Variants in MAGI2 observed in about 807,000 individuals in gnomAD.
The protein encoded by MAGI2 is membrane associated guanylate kinase, WW and PDZ domain containing 2.
Under a neutral mutation model 133.3 loss-of-function variants are expected in MAGI2, and 35 were observed. That is an observed-to-expected ratio of 0.26 (90% CI 0.20 to 0.35). The LOEUF is 0.35. Ranked by LOEUF, MAGI2 falls within the 10% of genes least tolerant of loss-of-function variation. MAGI2 has a pLI of 1.00. For missense variants in MAGI2, 1,636 were observed against 1,863.4 expected (o/e 0.88, Z 2.25); for synonymous variants, 729 against 710.6 (o/e 1.03, Z -0.41).
chr7:78,147,113 C>G (rs181968333), intron 16 of MAGI2, among the ~76,000 whole-genome samples: 241 of 152,298 alleles, frequency 1.6e-3, no homozygotes, highest in African/African-American at 5.4e-3. Flanking sequence ...GTTACACATA[C>G]AAGCCAAAGT....
chr7:78,758,264 G>GC (rs1554557374), intron 2 of MAGI2, among the ~76,000 whole-genome samples: 9 of 150,926 alleles, frequency 6.0e-5, no homozygotes, highest in African/African-American at 1.9e-4. Flanking sequence ...ACAAGACAGG[G>GC]TTTTTTTTTC....
At chr7:78,205,534 T>C (rs1341455380) in intron 10 of MAGI2, among the ~76,000 whole-genome samples, 2 of 152,200 alleles carry the variant, frequency 1.3e-5, no homozygotes, top group African/African-American at 4.8e-5. Flanking sequence ...TTTTTTTGGA[T>C]GTAAGTATGT....
chr7:78,955,824 C>T (rs921112232), intron 2 of MAGI2, among the ~76,000 whole-genome samples: 1 of 147,872 alleles, frequency 6.8e-6, no homozygotes, highest in African/African-American at 2.5e-5. Flanking sequence ...CTTCCTTCCT[C>T]AGTAATAATT....
intron 9 of MAGI2, among the ~76,000 whole-genome samples, chr7:78,272,677 C>T (rs1794699621): frequency 6.6e-6 from 1 of 152,142 alleles, no homozygotes; most frequent in Non-Finnish European, 1.5e-5. Context: ...TTGGATTGAT[C>T]CCTTTATCAT....
chr7:78,050,606 A>T (rs1289073847), intron 21 of MAGI2, among the ~76,000 whole-genome samples: 4 of 152,230 alleles, frequency 2.6e-5, no homozygotes, highest in Non-Finnish European at 5.9e-5. Context: ...AGGGGAATTG[A>T]AACGTTTGTT....
At chr7:78,786,961 TTTG>T (rs1256141185) in intron 2 of MAGI2, among the ~76,000 whole-genome samples, 1 of 151,840 alleles carries the variant, frequency 6.6e-6, no homozygotes. Context: ...CTTTCCTTTT[TTTG>T]TTTTTAGACA....
intron 20 of MAGI2, among the ~76,000 whole-genome samples, chr7:78,121,857 G>T (rs1820505801): frequency 6.6e-6 from 1 of 152,212 alleles, no homozygotes; most frequent in African/African-American, 2.4e-5. Flanking sequence ...TGGAAAAATA[G>T]ATAATTATTA....
chr7:78,048,790 T>C (rs1811698795), intron 21 of MAGI2, among the ~76,000 whole-genome samples: 1 of 152,160 alleles, frequency 6.6e-6, no homozygotes, highest in Non-Finnish European at 1.5e-5. Flanking sequence ...TTCCAATGAA[T>C]ATAAGGAAAG....
At chr7:78,694,932 T>C (rs190218785) in intron 2 of MAGI2, among the ~76,000 whole-genome samples, 1 of 152,280 alleles carries the variant, frequency 6.6e-6, no homozygotes, top group East Asian at 1.9e-4. Flanking sequence ...GGTTTCCTTA[T>C]AAAGTCTCCT....
intron 2 of MAGI2, among the ~76,000 whole-genome samples, chr7:78,763,250 A>C (rs1824693265): frequency 6.6e-6 from 1 of 152,234 alleles, no homozygotes; most frequent in Non-Finnish European, 1.5e-5. Flanking sequence ...TATGATTCCC[A>C]GAGTAGCAAC....
At chr7:78,944,769 C>T (rs928266150) in intron 2 of MAGI2, among the ~76,000 whole-genome samples, 1 of 151,794 alleles carries the variant, frequency 6.6e-6, no homozygotes, top group Admixed American at 6.6e-5. Context: ...CAGGGTCTGG[C>T]TCTGCTGTCC....
At chr7:78,711,480 G>A (rs383636) in intron 2 of MAGI2, among the ~76,000 whole-genome samples, 33,794 of 151,874 alleles carry the variant, frequency 0.22, 4,516 homozygotes, top group East Asian at 0.61. Flanking sequence ...CTCTAATTTT[G>A]TCCTGTCTAT....
At chr7:79,205,345 C>T (rs776351707) in intron 1 of MAGI2, among the ~76,000 whole-genome samples, 1 of 151,870 alleles carries the variant, frequency 6.6e-6, no homozygotes, top group Non-Finnish European at 1.5e-5. Context: ...TACTGAACAT[C>T]AAATTGCTGA....
At chr7:78,814,685 A>G (rs376401376) in intron 2 of MAGI2, among the ~76,000 whole-genome samples, 1 of 152,164 alleles carries the variant, frequency 6.6e-6, no homozygotes, top group Non-Finnish European at 1.5e-5. Flanking sequence ...TGAATAACAC[A>G]TAGCTTATCT....
intron 1 of MAGI2, among the ~76,000 whole-genome samples, chr7:79,420,263 T>C (rs1036849867): frequency 2.6e-5 from 4 of 152,002 alleles, no homozygotes; most frequent in African/African-American, 9.7e-5. Flanking sequence ...TCTCTACCTT[T>C]TTCCAGAAAA....
At chr7:78,490,095 T>C (rs556781526) in intron 5 of MAGI2, 39 of 455,000 alleles carry the variant, frequency 8.6e-5, no homozygotes, top group Admixed American at 5.2e-4. Flanking sequence ...GTTAACCTCA[T>C]TGAAAATGCA....
At chr7:79,159,717 G>T (rs1225805870) in intron 1 of MAGI2, among the ~76,000 whole-genome samples, 1 of 151,982 alleles carries the variant, frequency 6.6e-6, no homozygotes, top group Non-Finnish European at 1.5e-5. Context: ...TCTTCAGACT[G>T]ATATTTCAGA....
chr7:79,120,255 T>C (rs1480068181), intron 1 of MAGI2, among the ~76,000 whole-genome samples: 3 of 152,108 alleles, frequency 2.0e-5, no homozygotes, highest in East Asian at 1.9e-4. Context: ...TAAAGCTATG[T>C]TACATATGGA....
At chr7:78,813,439 A>G (rs1789248096) in intron 2 of MAGI2, among the ~76,000 whole-genome samples, 1 of 152,258 alleles carries the variant, frequency 6.6e-6, no homozygotes, top group African/African-American at 2.4e-5. Flanking sequence ...TATATGAGAT[A>G]ACTGATGCAG....
Sources: gnomAD v4.1 joint callset for allele counts (sites outside exome capture counted in the v4.1 genomes callset) on GRCh38, gnomAD v4.1.1 for gene constraint, MANE v1.5 for transcripts, NCBI Gene and HGNC (gene_info 2026-07-23, HGNC 2026-07-21) for gene names.